PRKG1: variants seen among roughly 807,000 people sequenced by gnomAD.
PRKG1 encodes the protein cGMP-dependent protein kinase 1.
PRKG1 carries 35 observed loss-of-function variants against 88.1 expected under a neutral mutation model. That is an observed-to-expected ratio of 0.40 (90% CI 0.30 to 0.53). The LOEUF (loss-of-function observed/expected upper bound fraction) is 0.53, where lower values mean the gene tolerates loss of function less well. PRKG1 is among the 20% of genes least tolerant of loss of function. PRKG1 has a pLI of 0.59. For synonymous variants in PRKG1, 303 were observed against 292.5 expected (o/e 1.04, Z -0.37); for missense variants, 540 against 839.8 (o/e 0.64, Z 4.41).
At chr10:51,160,513 T>G (rs1425871062) in intron 2 of PRKG1, among the ~76,000 whole-genome samples, 1 of 152,222 alleles carries the variant, frequency 6.6e-6, no homozygotes, top group Admixed American at 6.5e-5. Flanking sequence ...TCAAATTACT[T>G]TCCAAAGTGG....
intron 2 of PRKG1, among the ~76,000 whole-genome samples, chr10:51,310,087 T>C (rs905529907): frequency 6.6e-6 from 1 of 152,154 alleles, no homozygotes; most frequent in Non-Finnish European, 1.5e-5. Context: ...CATTGGAGAC[T>C]AAAAGGTGAG....
chr10:51,062,233 A>G (rs1843700010), intron 1 of PRKG1, among the ~76,000 whole-genome samples: 1 of 152,180 alleles, frequency 6.6e-6, no homozygotes, highest in Non-Finnish European at 1.5e-5. Context: ...CTGGAATTCA[A>G]CTGGTTGGGC....
At chr10:51,399,111 T>C (rs955507835) in intron 2 of PRKG1, among the ~76,000 whole-genome samples, 2 of 151,958 alleles carry the variant, frequency 1.3e-5, no homozygotes, top group Non-Finnish European at 2.9e-5. Flanking sequence ...TTTATGTATG[T>C]ATAAATAAGA....
chr10:51,961,668 G>C (rs140604898), intron 5 of PRKG1, among the ~76,000 whole-genome samples: 1 of 152,144 alleles, frequency 6.6e-6, no homozygotes, highest in Non-Finnish European at 1.5e-5. Context: ...GAAATCAAAA[G>C]ATTTAGTCAT....
At chr10:51,088,771 C>G (rs1232132051) in intron 1 of PRKG1, among the ~76,000 whole-genome samples, 1 of 151,248 alleles carries the variant, frequency 6.6e-6, no homozygotes, top group East Asian at 1.9e-4. Context: ...ATCCTTGGAG[C>G]CCAGAAATGG....
intron 5 of PRKG1, among the ~76,000 whole-genome samples, chr10:51,998,045 C>CTA (rs1844497102): frequency 6.6e-6 from 1 of 152,182 alleles, no homozygotes; most frequent in African/African-American, 2.4e-5. Context: ...GGTGGACACT[C>CTA]TATCATGTAA....
intron 2 of PRKG1, among the ~76,000 whole-genome samples, chr10:51,324,418 A>G (rs1237865135): frequency 1.3e-5 from 2 of 152,072 alleles, no homozygotes; most frequent in African/African-American, 4.8e-5. Context: ...CATTGCTGCA[A>G]ACGACAAGAT....
At chr10:51,230,364 T>C (rs148662960) in intron 2 of PRKG1, among the ~76,000 whole-genome samples, 2,273 of 152,346 alleles carry the variant, frequency 0.015, 27 homozygotes, top group Middle Eastern at 0.027. Flanking sequence ...GATTCATATA[T>C]GTGTGCATAG....
chr10:51,731,525 T>A (rs1009723367), intron 3 of PRKG1, among the ~76,000 whole-genome samples: 3 of 152,140 alleles, frequency 2.0e-5, no homozygotes, highest in Non-Finnish European at 4.4e-5. Flanking sequence ...TTGAGAAAAT[T>A]TAGCCGTTAA....
chr10:51,213,461 TATA>T (rs1838287526), intron 2 of PRKG1, among the ~76,000 whole-genome samples: 2 of 151,940 alleles, frequency 1.3e-5, no homozygotes, highest in Admixed American at 1.3e-4. Context: ...AAACTTAAAG[TATA>T]ATAATAAAAA....
intron 7 of PRKG1, among the ~76,000 whole-genome samples, chr10:52,088,708 C>A (rs1345234716): frequency 6.6e-6 from 1 of 152,158 alleles, no homozygotes; most frequent in Non-Finnish European, 1.5e-5. Flanking sequence ...ACCTCTAGAA[C>A]TGTAAGAAGT....
chr10:51,698,551 A>G (rs748970593), intron 3 of PRKG1: 12 of 1,613,930 alleles, frequency 7.4e-6, no homozygotes, highest in Non-Finnish European at 7.6e-6. Context: ...GGTCATTTGG[A>G]GCATCTCCTA....
chr10:51,509,054 C>A (rs1235261772), intron 3 of PRKG1, among the ~76,000 whole-genome samples: 2 of 151,980 alleles, frequency 1.3e-5, no homozygotes, highest in Admixed American at 1.3e-4. Flanking sequence ...TCAGTGTCAG[C>A]CAAATATAAA....
rs144267821 is a variant in PRKG1, at chr10:52,199,052, T to C, written c.1076+37089T>C. On this transcript the variant is annotated intron_variant, in intron 9 of 17. Coordinates refer to ENST00000373980, the MANE Select transcript of PRKG1 (RefSeq NM_006258.4). ...ACTTTGAACACACCCAAGATGACAT[T>C]TGATGAAGGATGAGATTGGATTCCA... Among the ~76,000 whole-genome samples, 420 of 151,434 alleles carry C rather than the reference T, an allele frequency of 2.8e-3. 1 individual carries two copies. The highest frequency in any genetic ancestry group is 4.9e-3 in the Non-Finnish European group (330 of 67,896).
chr10:51,800,728 T>C (rs1208838390), intron 3 of PRKG1, among the ~76,000 whole-genome samples: 2 of 152,134 alleles, frequency 1.3e-5, no homozygotes, highest in East Asian at 3.9e-4. Flanking sequence ...AGAGGCTGGC[T>C]TCTTGCTGAT....
intron 3 of PRKG1, among the ~76,000 whole-genome samples, chr10:51,589,008 A>C (rs1838242032): frequency 6.6e-6 from 1 of 152,170 alleles, no homozygotes; most frequent in Non-Finnish European, 1.5e-5. Context: ...ATACATGTTA[A>C]GTGTGAGCTT....
At chr10:51,901,712 G>T (rs1396198129) in intron 4 of PRKG1, among the ~76,000 whole-genome samples, 1 of 152,102 alleles carries the variant, frequency 6.6e-6, no homozygotes, top group Non-Finnish European at 1.5e-5. Context: ...TGAATGATTT[G>T]TCTCAAAATG....
At chr10:52,194,371 GT>G (rs545544709) in intron 9 of PRKG1, among the ~76,000 whole-genome samples, 13 of 152,078 alleles carry the variant, frequency 8.5e-5, no homozygotes, top group Non-Finnish European at 1.8e-4. Context: ...TTTCTCCACA[GT>G]TTCCATGGAA....
intron 3 of PRKG1, among the ~76,000 whole-genome samples, chr10:51,715,959 A>G (rs12255134): frequency 0.11 from 17,226 of 152,184 alleles, 1,169 homozygotes; most frequent in African/African-American, 0.19. Context: ...GATTATTAGG[A>G]TGCCAAGCCG....
Sources: gnomAD v4.1 joint callset for allele counts (sites outside exome capture counted in the v4.1 genomes callset) on GRCh38, gnomAD v4.1.1 for gene constraint, MANE v1.5 for transcripts, NCBI Gene and HGNC (gene_info 2026-07-23, HGNC 2026-07-21) for gene names.